CNGB3: variants seen among roughly 807,000 people sequenced by gnomAD.
CNGB3 encodes the protein cyclic nucleotide-gated channel beta-3.
In CNGB3, 86 loss-of-function variants were observed where a neutral mutation model predicts 92.8. That is an observed-to-expected ratio of 0.93 (90% CI 0.78 to 1.11). The LOEUF (loss-of-function observed/expected upper bound fraction) is 1.11, where lower values mean the gene tolerates loss of function less well. Ranked by LOEUF, CNGB3 falls within the 50% of genes least tolerant of loss-of-function variation. The pLI, the probability that CNGB3 is intolerant of heterozygous loss-of-function variation, is 0.00. For synonymous variants in CNGB3, 333 were observed against 332.7 expected, an observed-to-expected ratio of 1.00 and a Z score of -0.01; for missense variants, 1,026 against 956.8, an observed-to-expected ratio of 1.07 and a Z score of -0.95.
chr8:86,671,211 T>C (rs1368200642), intron 3 of CNGB3, 113 bp from the exon 4 acceptor site: 2 of 1,188,622 alleles, frequency 1.7e-6, no homozygotes, highest in Non-Finnish European at 1.2e-6. Flanking sequence ...CTTCCCCTTT[T>C]TTGCAATTGA....
At chr8:86,679,416 T>C (rs1161285002) in intron 3 of CNGB3, among the ~76,000 whole-genome samples, 1 of 152,206 alleles carries the variant, frequency 6.6e-6, no homozygotes, top group Non-Finnish European at 1.5e-5. Flanking sequence ...TGACTGAATT[T>C]GGAGACACGA....
intron 11 of CNGB3, among the ~76,000 whole-genome samples, chr8:86,631,426 T>C (rs976741515): frequency 1.3e-5 from 2 of 152,188 alleles, no homozygotes; most frequent in African/African-American, 4.8e-5. Context: ...TTATTATATA[T>C]GGTTCTTCCA....
At chr8:86,676,133 T>C (rs2131623377) in intron 3 of CNGB3, among the ~76,000 whole-genome samples, 1 of 152,292 alleles carries the variant, frequency 6.6e-6, no homozygotes, top group East Asian at 1.9e-4. Flanking sequence ...TTTAAAACTG[T>C]GTTTGTTAGG....
intron 15 of CNGB3, among the ~76,000 whole-genome samples, chr8:86,583,446 A>G (rs557668615): frequency 1.8e-4 from 27 of 152,318 alleles, no homozygotes; most frequent in African/African-American, 6.3e-4. Flanking sequence ...ACTTTAAAAA[A>G]TAAGTATAAT....
At chr8:86,697,122 T>C (rs984288331) in intron 3 of CNGB3, among the ~76,000 whole-genome samples, 11 of 152,174 alleles carry the variant, frequency 7.2e-5, no homozygotes, top group East Asian at 1.9e-4. Flanking sequence ...TCCTTACTTA[T>C]GGATGATAAC....
chr8:86,729,862 G>C (rs1240410172), intron 2 of CNGB3, among the ~76,000 whole-genome samples: 1 of 152,194 alleles, frequency 6.6e-6, no homozygotes, highest in Non-Finnish European at 1.5e-5. Context: ...TTCACACATG[G>C]ACAGCAGGAT....
intron 2 of CNGB3, among the ~76,000 whole-genome samples, chr8:86,734,047 G>C (rs930589066): frequency 1.3e-5 from 2 of 151,940 alleles, no homozygotes; most frequent in African/African-American, 2.4e-5. Flanking sequence ...AAAAAAATTT[G>C]GGGGGATAGA....
rs1380612222 is a variant in CNGB3 at position 86,635,869 on chromosome 8, TAC to T, written c.1179-2978_1179-2977del. Among the ~76,000 whole-genome samples, 320 of 70,818 alleles carry T rather than the reference TAC, an allele frequency of 4.5e-3. 6 individuals are homozygous for T. Among genetic ancestry groups the T allele is most frequent in the African/African-American group, 0.02 (295 of 15,032 alleles). 46.5% of individuals were successfully genotyped at this position (70,818 alleles called of 152,430 possible). A position where few individuals can be genotyped will look rare whatever the true frequency, so the allele number is the denominator to read the frequency against. Reference sequence around the variant, plus strand: ...ATATATATATATATATATATACACATACACATATACTTAGGCATACTTAAAGC... The same window carrying T: ...ATATATATATATATATATATACACATACATATACTTAGGCATACTTAAAGC... On this transcript the variant is annotated intron_variant, in intron 10 of 17. Transcript: ENST00000320005.
intron 16 of CNGB3, 113 bp downstream of exon 16, chr8:86,578,993 G>T: frequency 6.5e-7 from 1 of 1,536,750 alleles, no homozygotes; most frequent in South Asian, 1.1e-5. Context: ...TGTTCATTAA[G>T]CATATCTCAC....
At chr8:86,638,121 A>G (rs1326524494) in intron 10 of CNGB3, among the ~76,000 whole-genome samples, 1 of 152,110 alleles carries the variant, frequency 6.6e-6, no homozygotes, top group Non-Finnish European at 1.5e-5. Context: ...TTATTCACCT[A>G]TGGATGAATA....
At chr8:86,656,353 G>A (rs529122859) in intron 6 of CNGB3, among the ~76,000 whole-genome samples, 2 of 152,250 alleles carry the variant, frequency 1.3e-5, no homozygotes, top group Admixed American at 1.3e-4. Context: ...TACTTTCAAG[G>A]TTGTCTATGA....
chr8:86,740,836 G>T (rs571326340), intron 1 of CNGB3, among the ~76,000 whole-genome samples: 1 of 152,182 alleles, frequency 6.6e-6, no homozygotes, highest in South Asian at 2.1e-4. Flanking sequence ...TAGTTTATAT[G>T]AACGTAGCTA....
intron 13 of CNGB3, among the ~76,000 whole-genome samples, chr8:86,615,285 T>C (rs1465954412): frequency 2.6e-5 from 4 of 152,108 alleles, no homozygotes; most frequent in African/African-American, 7.2e-5. Flanking sequence ...TATTTGTAGA[T>C]TGGAATATCA....
intron 3 of CNGB3, among the ~76,000 whole-genome samples, chr8:86,693,702 C>T (rs1157433041): frequency 6.6e-6 from 1 of 151,504 alleles, no homozygotes; most frequent in African/African-American, 2.4e-5. Context: ...CTTGCGCCGC[C>T]CTTAATCCAT....
chr8:86,661,317 C>A, intron 6 of CNGB3: 1 of 383,428 alleles, frequency 2.6e-6, no homozygotes. Context: ...TTACGAGTTC[C>A]ACTGAATAAA....
intron 6 of CNGB3, chr8:86,658,117 C>T: frequency 1.9e-6 from 1 of 532,442 alleles, no homozygotes; most frequent in Non-Finnish European, 3.5e-6. Flanking sequence ...AGAATCGCCT[C>T]CAGTCCCTGG....
At chr8:86,596,103 T>G (rs778672030) in intron 15 of CNGB3, among the ~76,000 whole-genome samples, 1 of 152,204 alleles carries the variant, frequency 6.6e-6, no homozygotes, top group Non-Finnish European at 1.5e-5. Context: ...ATCACGTTTA[T>G]GAAAATAAAT....
At chr8:86,633,471 C>A (rs1350555433) in intron 10 of CNGB3, among the ~76,000 whole-genome samples, 1 of 152,178 alleles carries the variant, frequency 6.6e-6, no homozygotes, top group Non-Finnish European at 1.5e-5. Context: ...CTAGCTTGGG[C>A]TTCCTCATAG....
At chr8:86,680,115 T>C (rs983911060) in intron 3 of CNGB3, among the ~76,000 whole-genome samples, 1 of 151,846 alleles carries the variant, frequency 6.6e-6, no homozygotes, top group Non-Finnish European at 1.5e-5. Context: ...TACATACATA[T>C]CAAGAAAAAA....
Sources: gnomAD v4.1 joint callset for allele counts (sites outside exome capture counted in the v4.1 genomes callset) on GRCh38, gnomAD v4.1.1 for gene constraint, MANE v1.5 for transcripts, NCBI Gene and HGNC (gene_info 2026-07-23, HGNC 2026-07-21) for gene names.